TP63: variants seen among roughly 807,000 people sequenced by gnomAD.
TP63 encodes tumor protein p63.
A neutral mutation model predicts 82.8 loss-of-function variants in TP63; 17 were observed. The ratio of observed to expected loss-of-function variants is 0.21; its 90% CI spans 0.14 to 0.31. The LOEUF (loss-of-function observed/expected upper bound fraction) is 0.31. Among genes scored for constraint, TP63 ranks in the 10% least tolerant of loss-of-function variants. The probability of loss-of-function intolerance (pLI) is 1.00; values close to 1 mark genes in which losing one functional copy is unlikely to be tolerated. For synonymous variants in TP63, 330 were observed against 321.7 expected, an observed-to-expected ratio of 1.03 and a Z score of -0.28; for missense variants, 648 against 895.3, an observed-to-expected ratio of 0.72 and a Z score of 3.52.
chr3:189,667,126 G>A (rs899495567), intron 1 of TP63, among the ~76,000 whole-genome samples: 4 of 148,910 alleles, frequency 2.7e-5, no homozygotes, highest in South Asian at 4.2e-4. Context: ...TGACACACAA[G>A]CATAGCACGA....
chr3:189,789,030 C>T (rs1215376923), intron 3 of TP63, among the ~76,000 whole-genome samples: 3 of 151,342 alleles, frequency 2.0e-5, no homozygotes, highest in Middle Eastern at 3.5e-3. Context: ...TGTAAGTTAA[C>T]GGGACCGGTG....
At chr3:189,864,113 TA>T in intron 4 of TP63, 118 bp from the exon 5 acceptor site, 1 of 1,278,438 alleles carries the variant, frequency 7.8e-7, no homozygotes, top group Non-Finnish European at 1.1e-6. Context: ...TAGCCAGTAG[TA>T]AACAGGCAGC....
intron 1 of TP63, among the ~76,000 whole-genome samples, chr3:189,638,896 C>T (rs1187543323): frequency 6.6e-6 from 1 of 152,118 alleles, no homozygotes; most frequent in Non-Finnish European, 1.5e-5. Context: ...TCACTACCTA[C>T]AGTGAGGCAA....
At chr3:189,818,489 A>G (rs770688164) in intron 4 of TP63, among the ~76,000 whole-genome samples, 1 of 152,102 alleles carries the variant, frequency 6.6e-6, no homozygotes, top group Non-Finnish European at 1.5e-5. Flanking sequence ...CTGCTATTAT[A>G]ATAAATACTT....
At chr3:189,780,738 G>A (rs1441628525) in intron 3 of TP63, among the ~76,000 whole-genome samples, 1 of 152,162 alleles carries the variant, frequency 6.6e-6, no homozygotes, top group Admixed American at 6.5e-5. Flanking sequence ...TGACATTTGT[G>A]CCTGGGAGAG....
At chr3:189,673,041 A>G (rs978673616) in intron 1 of TP63, among the ~76,000 whole-genome samples, 3 of 152,058 alleles carry the variant, frequency 2.0e-5, no homozygotes, top group African/African-American at 7.2e-5. Context: ...GGGTTTCACC[A>G]TGTTGGCCAG....
At chr3:189,820,768 A>C (rs965224005) in intron 4 of TP63, among the ~76,000 whole-genome samples, 1 of 152,248 alleles carries the variant, frequency 6.6e-6, no homozygotes, top group Non-Finnish European at 1.5e-5. Context: ...TTCAAATAGC[A>C]TGTTAAAATT....
At chr3:189,731,785 T>A (rs1272952898) in intron 1 of TP63, among the ~76,000 whole-genome samples, 3 of 152,222 alleles carry the variant, frequency 2.0e-5, no homozygotes, top group African/African-American at 7.2e-5. Flanking sequence ...TAGGTGTGAC[T>A]GACTTGACAA....
At chr3:189,871,450 A>G (rs760719064) in intron 9 of TP63, among the ~76,000 whole-genome samples, 1 of 152,156 alleles carries the variant, frequency 6.6e-6, no homozygotes, top group African/African-American at 2.4e-5. Flanking sequence ...AAGATGCAAA[A>G]ACTATAAATA....
At position 189,896,338 on chromosome 3, in the gene TP63, C is replaced by CT. The variant is rs1414865135; in HGVS notation, c.*1843dup. The CT allele has an allele frequency of 1.4e-5, 3 of 208,108 alleles. No homozygotes were observed. The highest frequency in any genetic ancestry group is 7.2e-5 in the East Asian group (1 of 13,804). The allele number at this position is 208,108 out of a possible 1,614,324, so 12.9% of individuals were successfully genotyped here. On this transcript the variant is annotated 3_prime_UTR_variant, in exon 14 of 14. Coordinates refer to ENST00000264731, the MANE Select transcript of TP63 (RefSeq NM_003722.5). The stretch of plus-strand genomic sequence containing the variant: ...GGATTTCCAGAACCACACTTGAAAC[C>CT]TTTTTTTATCGTTTTTGTATTTTCA...
At chr3:189,618,834 C>T in the TP63 span, among the ~76,000 whole-genome samples, 4 of 152,294 alleles carry the variant, frequency 2.6e-5, no homozygotes, top group East Asian at 5.8e-4. Context: ...TTCCCTCAGC[C>T]TCTTTATTTC....
intron 3 of TP63, among the ~76,000 whole-genome samples, chr3:189,790,770 A>G (rs1006139439): frequency 1.1e-4 from 16 of 152,110 alleles, no homozygotes; most frequent in African/African-American, 3.9e-4. Flanking sequence ...AAATGCTTGC[A>G]GGTGAGTGCT....
the TP63 span, among the ~76,000 whole-genome samples, chr3:189,597,000 G>A: frequency 6.6e-6 from 1 of 152,008 alleles, no homozygotes. Context: ...CTGAGCCAGC[G>A]AGACCACGAA....
At chr3:189,878,013 G>T (rs777600480) in intron 10 of TP63, among the ~76,000 whole-genome samples, 19 of 151,882 alleles carry the variant, frequency 1.3e-4, no homozygotes, top group African/African-American at 7.3e-5. Flanking sequence ...ACTGTGCCTG[G>T]CACGTTTTTC....
chr3:189,800,652 C>T (rs1726202288), intron 3 of TP63, among the ~76,000 whole-genome samples: 1 of 152,096 alleles, frequency 6.6e-6, no homozygotes, highest in South Asian at 2.1e-4. Flanking sequence ...CATCCAGGCT[C>T]TTCTCACTAC....
At chr3:189,865,573 T>C (rs1717624354) in intron 5 of TP63, among the ~76,000 whole-genome samples, 1 of 151,982 alleles carries the variant, frequency 6.6e-6, no homozygotes, top group Non-Finnish European at 1.5e-5. Flanking sequence ...AGAAAAAATA[T>C]TAAAATATAA....
At chr3:189,702,351 C>T (rs1334466702) in intron 1 of TP63, among the ~76,000 whole-genome samples, 1 of 152,206 alleles carries the variant, frequency 6.6e-6, no homozygotes, top group East Asian at 1.9e-4. Flanking sequence ...ATTTGAAACC[C>T]TCCAGGGGCT....
intron 1 of TP63, among the ~76,000 whole-genome samples, chr3:189,665,115 T>C (rs9816619): frequency 0.78 from 118,908 of 152,094 alleles, 48,747 homozygotes; most frequent in Middle Eastern, 0.94. Context: ...ATTTTACACT[T>C]ACTGCCTTTG....
rs397991949 is a variant in TP63, at chr3:189,663,521, C to CTTTTTTTTTT, written c.62+31959_62+31968dup. Among the ~76,000 whole-genome samples, 51 of 84,550 alleles carry CTTTTTTTTTT rather than the reference C, an allele frequency of 6.0e-4. 3 individuals are homozygous for CTTTTTTTTTT. Among genetic ancestry groups the CTTTTTTTTTT allele is most frequent in the Non-Finnish European group, 7.6e-4 (37 of 48,444 alleles). 55.5% of individuals were successfully genotyped at this position (84,550 alleles called of 152,430 possible). A position where few individuals can be genotyped will look rare whatever the true frequency, so the allele number is the denominator to read the frequency against. The stretch of plus-strand genomic sequence containing the variant: ...ATTTAAGTGGCTTATTTCATTCATT[C>CTTTTTTTTTT]TTTTTTTTTTTTTTTTTTTTTTTTG... On this transcript the variant is annotated intron_variant, in intron 1 of 13. Coordinates refer to ENST00000264731, the MANE Select transcript of TP63 (RefSeq NM_003722.5).
Sources: gnomAD v4.1 joint callset for allele counts (sites outside exome capture counted in the v4.1 genomes callset) on GRCh38, gnomAD v4.1.1 for gene constraint, MANE v1.5 for transcripts, NCBI Gene and HGNC (gene_info 2026-07-23, HGNC 2026-07-21) for gene names.